Variants in CHCHD3 observed in about 807,000 individuals in gnomAD.
The protein encoded by CHCHD3 is MICOS complex subunit MIC19.
Under a neutral mutation model 38.2 loss-of-function variants are expected in CHCHD3, and 20 were observed. The observed-to-expected ratio is 0.52, with a 90% CI of 0.37 to 0.76. CHCHD3 has a LOEUF of 0.76. CHCHD3 is among the 30% of genes least tolerant of loss of function. The pLI, the probability that CHCHD3 is intolerant of heterozygous loss-of-function variation, is 0.00. For missense variants in CHCHD3, 245 were observed against 279.2 expected (o/e 0.88, Z 0.87); for synonymous variants, 82 against 100.0 (o/e 0.82, Z 1.07).
At chr7:132,929,360 T>C (rs1244432955) in intron 4 of CHCHD3, among the ~76,000 whole-genome samples, 1 of 152,094 alleles carries the variant, frequency 6.6e-6, no homozygotes, top group Non-Finnish European at 1.5e-5. Flanking sequence ...TCCATCTGCC[T>C]TGCAGATGGC....
intron 5 of CHCHD3, among the ~76,000 whole-genome samples, chr7:132,867,300 G>C (rs1170396065): frequency 6.6e-6 from 1 of 152,088 alleles, no homozygotes; most frequent in East Asian, 1.9e-4. Context: ...GTCTTAAACT[G>C]TTAGAAACAA....
At chr7:133,042,918 G>A (rs1420988827) in intron 2 of CHCHD3, among the ~76,000 whole-genome samples, 4 of 152,048 alleles carry the variant, frequency 2.6e-5, no homozygotes, top group African/African-American at 9.7e-5. Flanking sequence ...CCAGGCTGGA[G>A]CCTAGCAGCA....
intron 5 of CHCHD3, among the ~76,000 whole-genome samples, chr7:132,851,665 C>CTCTA (rs1808222178): frequency 6.6e-6 from 1 of 152,134 alleles, no homozygotes; most frequent in African/African-American, 2.4e-5. Context: ...CTTGCAAGAC[C>CTCTA]TCTAGAGTAA....
intron 6 of CHCHD3, among the ~76,000 whole-genome samples, chr7:132,837,213 C>G (rs560944097): frequency 2.0e-5 from 3 of 152,102 alleles, no homozygotes; most frequent in African/African-American, 7.2e-5. Flanking sequence ...GGAGCCAACT[C>G]GAAGGTTCTC....
intron 4 of CHCHD3, among the ~76,000 whole-genome samples, chr7:132,902,428 T>A (rs1048099445): frequency 6.6e-6 from 1 of 152,226 alleles, no homozygotes; most frequent in Non-Finnish European, 1.5e-5. Flanking sequence ...CAAATGTCCA[T>A]CAATGATAGA....
At chr7:132,793,447 C>T (rs979039147) in intron 7 of CHCHD3, among the ~76,000 whole-genome samples, 7 of 152,192 alleles carry the variant, frequency 4.6e-5, no homozygotes, top group African/African-American at 9.7e-5. Flanking sequence ...TTTAATATCT[C>T]TTTACCCTCA....
At chr7:133,057,531 C>A (rs1814378559) in intron 2 of CHCHD3, among the ~76,000 whole-genome samples, 1 of 151,858 alleles carries the variant, frequency 6.6e-6, no homozygotes, top group Non-Finnish European at 1.5e-5. Flanking sequence ...CATAGCACTC[C>A]AGCTAGGGTG....
At chr7:132,842,090 T>TC (rs2117101334) in intron 5 of CHCHD3, among the ~76,000 whole-genome samples, 1 of 151,768 alleles carries the variant, frequency 6.6e-6, no homozygotes, top group Admixed American at 6.6e-5. Context: ...AGAGCAAGAC[T>TC]CCATCTCGAG....
intron 5 of CHCHD3, among the ~76,000 whole-genome samples, chr7:132,862,375 A>G (rs1808518212): frequency 6.6e-6 from 1 of 152,248 alleles, no homozygotes; most frequent in Non-Finnish European, 1.5e-5. Context: ...TTGGTTTCCC[A>G]GTGCGTATAA....
chr7:133,063,834 C>T (rs1351022211), intron 2 of CHCHD3, among the ~76,000 whole-genome samples: 1 of 152,130 alleles, frequency 6.6e-6, no homozygotes, highest in Non-Finnish European at 1.5e-5. Flanking sequence ...TTGACTTCAA[C>T]CTACCCACCC....
chr7:132,975,782 T>G (rs969657316), intron 3 of CHCHD3, among the ~76,000 whole-genome samples: 3 of 151,986 alleles, frequency 2.0e-5, no homozygotes, highest in African/African-American at 7.2e-5. Flanking sequence ...AATACAAAAC[T>G]TCGCTGGGCG....
chr7:133,043,774 G>T (rs1021356969), intron 2 of CHCHD3, among the ~76,000 whole-genome samples: 9 of 152,076 alleles, frequency 5.9e-5, no homozygotes, highest in African/African-American at 1.9e-4. Flanking sequence ...CAGGATAAAA[G>T]ATTTCAGGGT....
chr7:133,014,554 T>C (rs1426582448), intron 3 of CHCHD3, among the ~76,000 whole-genome samples: 1 of 79,694 alleles, frequency 1.3e-5, no homozygotes, highest in Non-Finnish European at 2.8e-5. Flanking sequence ...CTAAATGTGA[T>C]GACTGACTAT....
chr7:132,987,824 C>T (rs1448232589), intron 3 of CHCHD3, among the ~76,000 whole-genome samples: 1 of 152,102 alleles, frequency 6.6e-6, no homozygotes, highest in East Asian at 1.9e-4. Context: ...CCTGTCCTTT[C>T]ATCTTTTCTG....
chr7:132,999,933 T>C (rs1241938970), intron 3 of CHCHD3, among the ~76,000 whole-genome samples: 1 of 152,210 alleles, frequency 6.6e-6, no homozygotes, highest in African/African-American at 2.4e-5. Context: ...ATACAAAGCA[T>C]TATGTTTAAA....
At chr7:132,875,224 C>A (rs1018973562) in intron 5 of CHCHD3, among the ~76,000 whole-genome samples, 5 of 152,060 alleles carry the variant, frequency 3.3e-5, no homozygotes, top group Admixed American at 6.5e-5. Context: ...TCTGAGAAGG[C>A]CTGTAGAAAA....
chr7:133,071,064 G>C (rs1814807315), intron 1 of CHCHD3, among the ~76,000 whole-genome samples: 1 of 152,154 alleles, frequency 6.6e-6, no homozygotes, highest in Non-Finnish European at 1.5e-5. Context: ...TAGGCAGCTG[G>C]CAATAGAGCA....
intron 3 of CHCHD3, among the ~76,000 whole-genome samples, chr7:132,995,648 T>C (rs1254164896): frequency 6.6e-6 from 1 of 152,220 alleles, no homozygotes; most frequent in Non-Finnish European, 1.5e-5. Flanking sequence ...GCTGCGGAAT[T>C]GGCCGGCAGG....
intron 3 of CHCHD3, among the ~76,000 whole-genome samples, chr7:132,990,951 T>TACACACACACAC (rs768136991): frequency 0.019 from 2,675 of 143,754 alleles, 71 homozygotes; most frequent in East Asian, 0.12. Context: ...CAGACACACA[T>TACACACACACAC]ACACACACAC....
Sources: allele counts gnomAD v4.1 joint callset (sites outside exome capture counted in the v4.1 genomes callset), GRCh38; gene constraint gnomAD v4.1.1; transcripts MANE v1.5; gene names NCBI Gene and HGNC (gene_info 2026-07-23, HGNC 2026-07-21).